The following RNF8 variants were observed in gnomAD, a reference collection of about 807,000 sequenced individuals.
RNF8 encodes the protein E3 ubiquitin-protein ligase RNF8.
Under a neutral mutation model 59.3 loss-of-function variants are expected in RNF8, and 8 were observed. The ratio of observed to expected loss-of-function variants is 0.13; its 90% CI spans 0.08 to 0.24. The LOEUF (loss-of-function observed/expected upper bound fraction) is 0.24, where lower values mean the gene tolerates loss of function less well. Ranked by LOEUF, RNF8 falls within the 10% of genes least tolerant of loss-of-function variation. The pLI is 1.00. For missense variants in RNF8, 406 were observed against 572.6 expected (o/e 0.71, Z 2.97); for synonymous variants, 162 against 200.0 (o/e 0.81, Z 1.60).
chr6:37,373,225 A>G (rs1769880733), intron 4 of RNF8, among the ~76,000 whole-genome samples: 1 of 150,742 alleles, frequency 6.6e-6, no homozygotes, highest in South Asian at 2.1e-4. Flanking sequence ...AGGGAATTTG[A>G]CTATAGTTAG....
intron 2 of RNF8, among the ~76,000 whole-genome samples, chr6:37,366,148 CAGAACTCAGA>C (rs1769541928): frequency 6.6e-6 from 1 of 152,188 alleles, no homozygotes; most frequent in Non-Finnish European, 1.5e-5. Flanking sequence ...TGTGGACTGT[CAGAACTCAGA>C]AGTTCTGAGG....
intron 5 of RNF8, among the ~76,000 whole-genome samples, chr6:37,375,212 G>C (rs988093667): frequency 1.3e-5 from 2 of 152,166 alleles, no homozygotes; most frequent in Admixed American, 1.3e-4. Flanking sequence ...AGCTGTGCGG[G>C]CTATGGCTTA....
intron 5 of RNF8, among the ~76,000 whole-genome samples, chr6:37,376,685 C>A (rs1770032933): frequency 6.6e-6 from 1 of 152,138 alleles, no homozygotes; most frequent in African/African-American, 2.4e-5. Flanking sequence ...TGGGAGGAAG[C>A]ACAAACATTC....
At chr6:37,367,586 T>C (rs1173181107) in intron 2 of RNF8, among the ~76,000 whole-genome samples, 1 of 152,136 alleles carries the variant, frequency 6.6e-6, no homozygotes, top group African/African-American at 2.4e-5. Context: ...GTATTTTTAG[T>C]AGAGAGGTGG....
At chr6:37,378,636 CACACA>C (rs1770124003) in intron 6 of RNF8, among the ~76,000 whole-genome samples, 2 of 146,988 alleles carry the variant, frequency 1.4e-5, no homozygotes, top group South Asian at 4.4e-4. Flanking sequence ...AAAACATATA[CACACA>C]GCTTTCTTTT....
chr6:37,364,865 G>A (rs1049421126), intron 2 of RNF8, among the ~76,000 whole-genome samples: 2 of 152,154 alleles, frequency 1.3e-5, no homozygotes, highest in African/African-American at 4.8e-5. Context: ...TGCCTCCCGG[G>A]TTCAAGTGAT....
At chr6:37,386,011 T>C (rs1770479408) in intron 7 of RNF8, among the ~76,000 whole-genome samples, 1 of 152,064 alleles carries the variant, frequency 6.6e-6, no homozygotes, top group Admixed American at 6.5e-5. Context: ...ATTTTTTGTA[T>C]TTTTTGTAGA....
Position 37,392,221 on chromosome 6 carries a change from GT to G in RNF8, c.*1465del, listed in dbSNP as rs1770745191. ...AAATAGAGAACAAAAGGAAAAGATT[GT>G]TACCACCTTGATTTAATAACTTCTT... On this transcript the variant is annotated 3_prime_UTR_variant, in exon 8 of 8. Transcript: ENST00000373479. The G allele has an allele frequency of 2.7e-6, 1 of 377,022 alleles. No individual in the cohort carries two copies. The highest frequency in any genetic ancestry group is 1.5e-4 in the South Asian group (1 of 6,826). The allele number at this position is 377,022 out of a possible 1,614,324, so 23.4% of individuals were successfully genotyped here.
intron 6 of RNF8, among the ~76,000 whole-genome samples, chr6:37,377,479 C>T (rs539427209): frequency 6.6e-6 from 1 of 152,312 alleles, no homozygotes; most frequent in African/African-American, 2.4e-5. Flanking sequence ...GAACTTATAA[C>T]TATTTGATTT....
Position 37,373,318 on chromosome 6 carries a change from A to T in RNF8, c.1039-1302A>T, listed in dbSNP as rs184049886. On this transcript the variant is annotated intron_variant, in intron 4 of 7. Coordinates refer to ENST00000373479, the MANE Select transcript of RNF8 (RefSeq NM_003958.4). ...AAAGAAAATAAAAAGATGTGTTTAT[A>T]TACAGCTCAAAAAACTTCTCTGAAT... 5.9e-5 allele frequency among the ~76,000 whole-genome samples: 9 copies of T among 152,324 alleles called. No homozygotes were observed. The East Asian group carries it at 1.5e-3, about 26-fold the overall frequency.
chr6:37,372,799 G>A (rs1400151017), intron 4 of RNF8, among the ~76,000 whole-genome samples: 1 of 152,162 alleles, frequency 6.6e-6, no homozygotes, highest in Non-Finnish European at 1.5e-5. Flanking sequence ...GAGAAACCCT[G>A]TCTCTACTAA....
intron 1 of RNF8, chr6:37,359,126 G>A (rs1769223797): frequency 7.2e-6 from 3 of 419,226 alleles, no homozygotes; most frequent in Non-Finnish European, 1.4e-5. Context: ...AAACAAAAAA[G>A]AATAAGGGAA....
chr6:37,356,750 G>A (rs865926535), intron 1 of RNF8, among the ~76,000 whole-genome samples: 2 of 152,102 alleles, frequency 1.3e-5, no homozygotes, highest in African/African-American at 4.8e-5. Context: ...GGGCTTTTTT[G>A]TGGGGTGTTT....
chr6:37,355,480 G>A (rs1769078615), intron 1 of RNF8, among the ~76,000 whole-genome samples: 2 of 152,174 alleles, frequency 1.3e-5, no homozygotes, highest in Non-Finnish European at 2.9e-5. Context: ...TAAGGCTTGA[G>A]TGGGGAGAGA....
chr6:37,370,700 A>AC (rs1769767907), intron 3 of RNF8, among the ~76,000 whole-genome samples: 1 of 80,136 alleles, frequency 1.2e-5, no homozygotes, highest in African/African-American at 7.7e-5. Flanking sequence ...GCTCCTTCAC[A>AC]CTTTTTTTTT....
intron 7 of RNF8, among the ~76,000 whole-genome samples, chr6:37,384,456 T>C (rs920265362): frequency 6.6e-6 from 1 of 152,146 alleles, no homozygotes; most frequent in South Asian, 2.1e-4. Context: ...GCTGCTGTAA[T>C]AGTGAATTGT....
In RNF8 at chr6:37,374,481, G is replaced by A. The variant is rs549531071; in HGVS notation, c.1039-139G>A. On this transcript the variant is annotated intron_variant, in intron 4 of 7. Transcript: ENST00000373479. ...GGTAAGATAGCCCAATGGAATAAAG[G>A]TATTATTTTGAAATTGCCAATTTAT... is the stretch of plus-strand genomic sequence containing the variant. 33 of 631,926 alleles carry A rather than the reference G, an allele frequency of 5.2e-5. No individual in the cohort carries two copies. In the African/African-American group the frequency reaches 5.3e-4, roughly 10 times the overall value. The allele number at this position is 631,926 out of a possible 1,614,324, so 39.1% of individuals were successfully genotyped here.
intron 7 of RNF8, among the ~76,000 whole-genome samples, chr6:37,388,871 T>G (rs1017836546): frequency 6.6e-6 from 1 of 150,504 alleles, no homozygotes; most frequent in Non-Finnish European, 1.5e-5. Flanking sequence ...AGTTTAAGTC[T>G]CCAGTAAGCT....
rs1770715708 is a variant in RNF8, at chr6:37,391,105, A to T, written c.*347A>T. On this transcript the variant is annotated 3_prime_UTR_variant, in exon 8 of 8. Transcript: ENST00000373479. ...ATACCTCGGAAACACCTCCGTTGACAGTTGTTTTGGATAGGTTGGGTGTAC... is the reference window on the plus strand; with the variant it reads ...ATACCTCGGAAACACCTCCGTTGACTGTTGTTTTGGATAGGTTGGGTGTAC... The T allele has an allele frequency of 2.2e-6, 1 of 452,428 alleles. No homozygotes were observed. 28.0% of individuals were successfully genotyped at this position (452,428 alleles called of 1,614,324 possible). A position where few individuals can be genotyped will look rare whatever the true frequency, so the allele number is the denominator to read the frequency against.
Sources: gnomAD v4.1 joint callset for allele counts (sites outside exome capture counted in the v4.1 genomes callset) on GRCh38, gnomAD v4.1.1 for gene constraint, MANE v1.5 for transcripts, NCBI Gene and HGNC (gene_info 2026-07-23, HGNC 2026-07-21) for gene names.